Variants in ARFGEF3 observed in about 807,000 individuals in gnomAD.
ARFGEF3 encodes the protein ARFGEF family member 3, also known as brefeldin A-inhibited guanine nucleotide-exchange protein 3.
ARFGEF3 carries 96 observed loss-of-function variants against 221.7 expected under a neutral mutation model. The ratio of observed to expected loss-of-function variants is 0.43; its 90% CI spans 0.37 to 0.51. The LOEUF (loss-of-function observed/expected upper bound fraction) is 0.51, where lower values mean the gene tolerates loss of function less well. Among genes scored for constraint, ARFGEF3 ranks in the 20% least tolerant of loss-of-function variants. The probability of loss-of-function intolerance (pLI) is 0.00; values close to 1 mark genes in which losing one functional copy is unlikely to be tolerated. For synonymous variants in ARFGEF3, 1,145 were observed against 1,126.8 expected (o/e 1.02, Z -0.32); for missense variants, 2,410 against 2,789.9 (o/e 0.86, Z 3.07).
At chr6:138,178,223 T>C (rs1315837800) in intron 2 of ARFGEF3, among the ~76,000 whole-genome samples, 1 of 152,212 alleles carries the variant, frequency 6.6e-6, no homozygotes, top group African/African-American at 2.4e-5. Context: ...GGCCATCTCA[T>C]ATAATGAAAT....
At position 138,309,746 on chromosome 6, in the gene ARFGEF3, A is replaced by G. The variant is rs1169641738; in HGVS notation, c.4096+885A>G. On this transcript the variant is annotated intron_variant, in intron 24 of 33. Transcript: ENST00000251691. ...GGTGTAACTCTTAATCCAAAGCCAG[A>G]GGCTCGAGAACCTGTAGTTCTAAGA... is the stretch of plus-strand genomic sequence containing the variant. Among the ~76,000 whole-genome samples the G allele has an allele frequency of 2.0e-5, 3 of 152,358 alleles. No individual in the cohort carries two copies. In the East Asian group the frequency reaches 5.8e-4, roughly 29 times the overall value.
In ARFGEF3 at chr6:138,263,416, C is replaced by CG; in HGVS notation, c.1936dup (p.Asp646GlyfsTer73). On this transcript the variant is annotated frameshift_variant, in exon 12 of 34. Coordinates refer to ENST00000251691, the MANE Select transcript of ARFGEF3 (RefSeq NM_020340.5). LOFTEE classifies it high-confidence loss of function. ...ACTAGCCGATGAAGAGCAGACACCC[C>CG]GGGACTGCCTAGGCCACCGGTCCCT... is the stretch of plus-strand genomic sequence containing the variant. 1 of 1,613,968 alleles carries CG rather than the reference C, an allele frequency of 6.2e-7. No homozygotes were observed. The highest frequency in any genetic ancestry group is 8.5e-7 in the Non-Finnish European group (1 of 1,179,892).
intron 12 of ARFGEF3, among the ~76,000 whole-genome samples, chr6:138,271,828 A>C (rs1779008372): frequency 6.6e-6 from 1 of 152,248 alleles, no homozygotes; most frequent in Non-Finnish European, 1.5e-5. Flanking sequence ...ATTCCTGCTA[A>C]CTTACCACAA....
chr6:138,281,043 A>G (rs1779188119), intron 14 of ARFGEF3, among the ~76,000 whole-genome samples: 1 of 152,212 alleles, frequency 6.6e-6, no homozygotes, highest in African/African-American at 2.4e-5. Flanking sequence ...CCGCCATAGT[A>G]AACTATGTGC....
chr6:138,328,199 T>G, intron 32 of ARFGEF3, 57 bp downstream of exon 32: 1 of 1,510,100 alleles, frequency 6.6e-7, no homozygotes, highest in Non-Finnish European at 8.9e-7. Context: ...TTCATTCACT[T>G]CCAGTTCTCA....
At chr6:138,188,037 G>A (rs151237516) in intron 2 of ARFGEF3, among the ~76,000 whole-genome samples, 5 of 152,248 alleles carry the variant, frequency 3.3e-5, no homozygotes, top group African/African-American at 4.8e-5. Flanking sequence ...TAATAGAGTA[G>A]GATATAGTGT....
At chr6:138,165,511 T>TG (rs1462357551) in intron 1 of ARFGEF3, among the ~76,000 whole-genome samples, 2 of 138,446 alleles carry the variant, frequency 1.4e-5, no homozygotes, top group African/African-American at 2.8e-5. Context: ...GAGACCCACA[T>TG]GGGGGAGAGG....
chr6:138,184,124 T>G (rs1483802726), intron 2 of ARFGEF3, among the ~76,000 whole-genome samples: 1 of 152,208 alleles, frequency 6.6e-6, no homozygotes, highest in African/African-American at 2.4e-5. Flanking sequence ...AAATTTGGAT[T>G]GTATCTATTT....
chr6:138,307,424 A>G (rs1346358878), intron 23 of ARFGEF3, 27 bp downstream of exon 23: 8 of 1,602,598 alleles, frequency 5.0e-6, no homozygotes, highest in Admixed American at 1.7e-5. Context: ...GATTCTTGCT[A>G]TTCAGCATTA....
intron 4 of ARFGEF3, chr6:138,215,987 T>C (rs1777842862): frequency 6.6e-6 from 1 of 151,676 alleles, no homozygotes; most frequent in Non-Finnish European, 1.5e-5. Context: ...GTTGTTTTTT[T>C]TTTTGGGTGG....
chr6:138,167,326 A>C (rs2114422726), intron 1 of ARFGEF3, among the ~76,000 whole-genome samples: 1 of 152,334 alleles, frequency 6.6e-6, no homozygotes, highest in Admixed American at 6.5e-5. Flanking sequence ...ATTTCTGAGA[A>C]TGTGATGCCC....
At chr6:138,231,317 A>G (rs1026112201) in intron 5 of ARFGEF3, among the ~76,000 whole-genome samples, 4 of 152,120 alleles carry the variant, frequency 2.6e-5, no homozygotes, top group African/African-American at 9.7e-5. Context: ...GAAAGGAAAA[A>G]CAACAACAAC....
chr6:138,261,041 C>T (rs985600338), intron 10 of ARFGEF3, among the ~76,000 whole-genome samples: 3 of 152,094 alleles, frequency 2.0e-5, no homozygotes, highest in African/African-American at 7.2e-5. Flanking sequence ...ATTCTGGCTC[C>T]ATGTAGCTTT....
chr6:138,252,292 T>G (rs991830408), intron 8 of ARFGEF3, among the ~76,000 whole-genome samples: 9 of 152,240 alleles, frequency 5.9e-5, no homozygotes, highest in African/African-American at 2.2e-4. Flanking sequence ...TTTTGTTTAG[T>G]TCTATAAACC....
chr6:138,177,366 G>C (rs1208352898), intron 2 of ARFGEF3, among the ~76,000 whole-genome samples: 2 of 152,060 alleles, frequency 1.3e-5, no homozygotes, highest in South Asian at 2.1e-4. Flanking sequence ...TGATTCACCT[G>C]CCTCAGCTTC....
rs375367958 is a variant in ARFGEF3 at position 138,286,858 on chromosome 6, C to A, written c.2727C>A (p.Asp909Glu). The A allele has an allele frequency of 6.2e-7, 1 of 1,613,788 alleles. No homozygotes were observed. The highest frequency in any genetic ancestry group is 1.3e-5 in the African/African-American group (1 of 74,932). ...GIKEQNQKER[D>E]AICMSLDGLR... is the part of the protein sequence containing the mutation. ...AAGAGCAGAACCAGAAGGAGCGGGA[C>A]GCCATCTGCATGAGCCTCGACGGGC... Residue 909 changes from aspartate (D) to glutamate (E), a missense_variant, in exon 16 of 34, where the codon GAC becomes GAA. By Grantham distance (45) the Asp-to-Glu change is conservative (BLOSUM62 2). This residue lies in a region of ARFGEF3 where 594 missense variants were observed against 734.3 expected (regional missense o/e 0.81). Coordinates refer to ENST00000251691, the MANE Select transcript of ARFGEF3 (RefSeq NM_020340.5).
At chr6:138,333,843 T>C (rs1780270831) in intron 32 of ARFGEF3, 127 bp from the exon 33 acceptor site, 6 of 1,038,692 alleles carry the variant, frequency 5.8e-6, no homozygotes, top group Non-Finnish European at 8.2e-6. Flanking sequence ...TGGAAGACAT[T>C]TGAGTAGAGG....
At chr6:138,175,159 A>G (rs1776915408) in intron 2 of ARFGEF3, among the ~76,000 whole-genome samples, 1 of 152,196 alleles carries the variant, frequency 6.6e-6, no homozygotes, top group African/African-American at 2.4e-5. Context: ...GTGAGCAACA[A>G]GGGTAGGAAT....
intron 11 of ARFGEF3, among the ~76,000 whole-genome samples, chr6:138,262,127 G>T (rs976763237): frequency 6.6e-6 from 1 of 151,270 alleles, no homozygotes; most frequent in Non-Finnish European, 1.5e-5. Context: ...CTCATCAGGA[G>T]CTTCTATTTG....
Sources: allele counts gnomAD v4.1 joint callset (sites outside exome capture counted in the v4.1 genomes callset), GRCh38; gene constraint gnomAD v4.1.1; regional missense constraint gnomAD v4.1.1; transcripts MANE v1.5; gene names NCBI Gene and HGNC (gene_info 2026-07-23, HGNC 2026-07-21).